Variants in ACAD8 observed in about 807,000 individuals in gnomAD.
ACAD8 encodes the protein isobutyryl-CoA dehydrogenase, mitochondrial.
In ACAD8, 47 loss-of-function variants were observed where a neutral mutation model predicts 53.1. The ratio of observed to expected loss-of-function variants is 0.89; its 90% confidence interval spans 0.70 to 1.13. The LOEUF (loss-of-function observed/expected upper bound fraction) is 1.13, where lower values mean the gene tolerates loss of function less well. Among genes scored for constraint, ACAD8 ranks in the 50% most tolerant of loss-of-function variants. The pLI is 0.00. For synonymous variants in ACAD8, 198 were observed against 201.3 expected (o/e 0.98, Z 0.14); for missense variants, 494 against 535.0 (o/e 0.92, Z 0.76).
chr11:134,257,060 T>G, intron 2 of ACAD8, 28 bp from the exon 3 acceptor site: 1 of 1,614,070 alleles, frequency 6.2e-7, no homozygotes, highest in African/African-American at 1.3e-5. Context: ...AATCAGCTGC[T>G]GATCACCCTG....
intron 3 of ACAD8, chr11:134,258,037 A>C (rs1939647855): frequency 9.1e-6 from 2 of 219,994 alleles, no homozygotes; most frequent in Non-Finnish European, 1.8e-5. Context: ...TATTTAGTAG[A>C]GATGGGGTTT....
At chr11:134,256,166 T>A (rs1939517839) in intron 1 of ACAD8, among the ~76,000 whole-genome samples, 1 of 152,236 alleles carries the variant, frequency 6.6e-6, no homozygotes, top group African/African-American at 2.4e-5. Context: ...CTCGGCCTCC[T>A]GAAGTGCTGG....
rs1207482914 is a variant in ACAD8 at position 134,259,629 on chromosome 11, G to T, written c.589G>T (p.Glu197Ter). Residue 197 changes from glutamate (E) to a stop codon, truncating the protein, a stop_gained, in exon 6 of 11, where the codon GAG becomes TAG. Transcript: ENST00000281182. LOFTEE classifies it high-confidence loss of function. ...GSKAFISGAG[E>*]SDIYVVMCRT... ...ACAGGCCTTCATCAGTGGTGCTGGT[G>T]AGTCAGACATCTATGTGGTCATGTG... The T allele has an allele frequency of 6.2e-7, 1 of 1,614,090 alleles. No individual in the cohort carries two copies. Among genetic ancestry groups the T allele is most frequent in the Admixed American group, 1.7e-5 (1 of 60,010 alleles).
At chr11:134,263,206 A>G in intron 10 of ACAD8, 1 of 1,014,472 alleles carries the variant, frequency 9.9e-7, no homozygotes, top group Non-Finnish European at 1.2e-6. Flanking sequence ...GCCAGTGCGG[A>G]AGTCTTGAAA....
chr11:134,255,136 C>G (rs1939427382), intron 1 of ACAD8, among the ~76,000 whole-genome samples: 2 of 152,036 alleles, frequency 1.3e-5, no homozygotes, highest in African/African-American at 4.8e-5. Context: ...GTGAATGGAT[C>G]TTATTTATTT....
intron 6 of ACAD8, 61 bp downstream of exon 6, chr11:134,259,806 A>T: frequency 1.2e-6 from 2 of 1,612,734 alleles, no homozygotes; most frequent in Non-Finnish European, 8.5e-7. Flanking sequence ...TGCCAGCCCA[A>T]CTCCTGCTCT....
chr11:134,254,349 A>C (rs1446695850), intron 1 of ACAD8, among the ~76,000 whole-genome samples: 2 of 152,184 alleles, frequency 1.3e-5, no homozygotes, highest in African/African-American at 2.4e-5. Flanking sequence ...TATTATTGCC[A>C]GTGGGAAACT....
At position 134,262,641 on chromosome 11, in the gene ACAD8, T is replaced by C; in HGVS notation, c.1195+19T>C. 1 of 1,606,044 alleles carries C rather than the reference T, an allele frequency of 6.2e-7. No homozygotes were observed. On this transcript the variant is annotated intron_variant, in intron 10 of 10. Coordinates refer to ENST00000281182, the MANE Select transcript of ACAD8 (RefSeq NM_014384.3). ...CTAGAAGGTAAAAATTGCCAGAGGTTATTCTCTTCCCTTCAGAACGGGGGC... is the reference window on the plus strand; with the variant it reads ...CTAGAAGGTAAAAATTGCCAGAGGTCATTCTCTTCCCTTCAGAACGGGGGC...
At chr11:134,257,769 G>GGACCC (rs2136077525) in intron 3 of ACAD8, 1 of 184,550 alleles carries the variant, frequency 5.4e-6, no homozygotes, top group South Asian at 1.1e-4. Flanking sequence ...AATCAGGTCA[G>GGACCC]CCAGCTTTCT....
At position 134,253,586 on chromosome 11, in the gene ACAD8, G is replaced by T. The variant is rs1384212317; in HGVS notation, c.-15G>T. On this transcript the variant is annotated 5_prime_UTR_variant, in exon 1 of 11. Transcript: ENST00000281182. Reference sequence around the variant, plus strand: ...GGCGTTCAGACTCTTAGCTGAACGCGGAGCTGCGGCGGCTATGCTGTGGAG... The same window carrying T: ...GGCGTTCAGACTCTTAGCTGAACGCTGAGCTGCGGCGGCTATGCTGTGGAG... The T allele has an allele frequency of 6.4e-7, 1 of 1,570,950 alleles. No individual in the cohort carries two copies. The highest frequency in any genetic ancestry group is 2.3e-5 in the East Asian group (1 of 42,600).
chr11:134,259,366 T>C (rs868257353), intron 5 of ACAD8: 3 of 638,396 alleles, frequency 4.7e-6, no homozygotes, highest in Non-Finnish European at 8.2e-6. Flanking sequence ...CCTCAGTCTC[T>C]GTGCCATTGG....
rs1939707023 is a variant in ACAD8, at chr11:134,258,885, C to T, written c.491-123C>T. 5 of 928,172 alleles carry T rather than the reference C, an allele frequency of 5.4e-6. No individual in the cohort carries two copies. In the Admixed American group the frequency reaches 7.4e-5, roughly 14 times the overall value. The allele number at this position is 928,172 out of a possible 1,614,324, so 57.5% of individuals were successfully genotyped here. A position where few individuals can be genotyped will look rare whatever the true frequency, so the allele number is the denominator to read the frequency against. On this transcript the variant is annotated intron_variant, in intron 4 of 10. Coordinates refer to ENST00000281182, the MANE Select transcript of ACAD8 (RefSeq NM_014384.3). ...AGTTCCTTTGGCCACTTGGGTTTTG[C>T]AGTGACACACTCTGAGCAGGGTCTG... is the stretch of plus-strand genomic sequence containing the variant.
intron 5 of ACAD8, 161 bp downstream of exon 5, chr11:134,259,245 G>A (rs923326711): frequency 2.7e-6 from 2 of 739,206 alleles, no homozygotes; most frequent in African/African-American, 3.4e-5. Context: ...CTCACTGTTT[G>A]TATCTCTCCT....
At position 134,259,669 on chromosome 11, in the gene ACAD8, C is replaced by T. The variant is rs17849561; in HGVS notation, c.629C>T (p.Pro210Leu). ...GTGGTCATGTGCCGAACAGGAGGACCAGGCCCCAAGGGCATCTCATGCATA... is the reference window on the plus strand; with the variant it reads ...GTGGTCATGTGCCGAACAGGAGGACTAGGCCCCAAGGGCATCTCATGCATA... ...IYVVMCRTGG[P>L]GPKGISCIVV... The change falls in exon 6 of 11, where the codon CCA (proline) becomes CTA (leucine). Residue 210 changes from proline (P) to leucine (L), a missense_variant. Pro to Leu is a moderately conservative substitution (Grantham distance 98). Transcript: ENST00000281182. 1 of 1,614,194 alleles carries T rather than the reference C, an allele frequency of 6.2e-7. No homozygotes were observed.
At position 134,261,197 on chromosome 11, in the gene ACAD8, G is replaced by A. The variant is rs773964375; in HGVS notation, c.841+18G>A. On this transcript the variant is annotated intron_variant, in intron 7 of 10. Coordinates refer to ENST00000281182, the MANE Select transcript of ACAD8 (RefSeq NM_014384.3). This position sits in a 1 kb window ranked among gnomAD's most constrained non-coding sequence, Gnocchi z 4.2. ...CAATATTGGTGAGATACGCAGGGGT[G>A]TGGCAGGGAGGTAGCGGTCCGGGAC... 4 of 1,613,772 alleles carry A rather than the reference G, an allele frequency of 2.5e-6. No homozygotes were observed. Among genetic ancestry groups the A allele is most frequent in the African/African-American group, 1.3e-5 (1 of 74,926 alleles).
At chr11:134,256,783 G>A (rs1176805546) in intron 2 of ACAD8, 135 bp downstream of exon 2, 3 of 820,104 alleles carry the variant, frequency 3.7e-6, no homozygotes, top group African/African-American at 1.7e-5. Flanking sequence ...AATACCGGTA[G>A]TGGATGATTT....
intron 3 of ACAD8, among the ~76,000 whole-genome samples, chr11:134,257,565 C>G (rs1475713087): frequency 6.6e-6 from 1 of 151,766 alleles, no homozygotes; most frequent in Non-Finnish European, 1.5e-5. Flanking sequence ...CCCAGCTACT[C>G]GGGAGGCTGA....
intron 10 of ACAD8, among the ~76,000 whole-genome samples, chr11:134,264,326 C>G (rs1940069966): frequency 6.6e-6 from 1 of 152,116 alleles, no homozygotes; most frequent in African/African-American, 2.4e-5. Flanking sequence ...GCCTGGGTGA[C>G]AGTGAGACTC....
At position 134,256,898 on chromosome 11, in the gene ACAD8, C is replaced by T. The variant is rs1939563285; in HGVS notation, c.211-190C>T. 8.8e-6 allele frequency: 6 copies of T among 684,894 alleles called. No individual in the cohort carries two copies. In the South Asian group the frequency reaches 1.1e-4, roughly 13 times the overall value. The allele number at this position is 684,894 out of a possible 1,614,324, so 42.4% of individuals were successfully genotyped here. The stretch of plus-strand genomic sequence containing the variant: ...CAGTTCTATAGATAATAAAAAGAAA[C>T]TTCTTAATGCCAGAACAAGTTTTTA... On this transcript the variant is annotated intron_variant, in intron 2 of 10. Transcript: ENST00000281182.
Sources: allele counts gnomAD v4.1 joint callset (sites outside exome capture counted in the v4.1 genomes callset), GRCh38; gene constraint gnomAD v4.1.1; non-coding constraint Gnocchi (gnomAD v3.1); transcripts MANE v1.5; gene names NCBI Gene and HGNC (gene_info 2026-07-23, HGNC 2026-07-21).